HOOK2: variants seen among roughly 807,000 people sequenced by gnomAD.
HOOK2 encodes hook microtubule tethering protein 2, also known as protein Hook homolog 2.
HOOK2 carries 108 observed loss-of-function variants against 111.9 expected under a neutral mutation model. The ratio of observed to expected loss-of-function variants is 0.96; its 90% CI spans 0.83 to 1.13. HOOK2 has a LOEUF of 1.13. Ranked by LOEUF, HOOK2 falls within the 50% of genes most tolerant of loss-of-function variation. HOOK2 has a pLI of 0.00. For synonymous variants in HOOK2, 405 were observed against 394.3 expected (o/e 1.03, Z -0.32); for missense variants, 978 against 951.3 (o/e 1.03, Z -0.37).
intron 3 of HOOK2, among the ~76,000 whole-genome samples, chr19:12,783,619 G>C (rs554863430): frequency 1.3e-3 from 200 of 152,148 alleles, no homozygotes; most frequent in Non-Finnish European, 2.3e-3. Flanking sequence ...AGCATATAGA[G>C]CTGGGTTCAA....
chr19:12,775,378 T>G, intron 1 of HOOK2, 27 bp downstream of exon 1: 1 of 1,608,174 alleles, frequency 6.2e-7, no homozygotes, highest in Non-Finnish European at 8.5e-7. Context: ...GGCGCTCACC[T>G]TCCCCTAGCC....
intron 7 of HOOK2, 31 bp from the exon 8 acceptor site, chr19:12,771,508 G>A (rs750788576): frequency 1.3e-5 from 20 of 1,581,912 alleles, no homozygotes; most frequent in East Asian, 6.8e-5. Flanking sequence ...AGGAACTCAG[G>A]GATTCAGGAG....
chr19:12,771,997 T>G, intron 7 of HOOK2, 193 bp downstream of exon 7: 1 of 602,090 alleles, frequency 1.7e-6, no homozygotes, highest in Non-Finnish European at 3.0e-6. Context: ...GCTAGCACCC[T>G]GGAAGATGGG....
chr19:12,780,700 C>T (rs1223902506), upstream of HOOK2, among the ~76,000 whole-genome samples: 1 of 104,262 alleles, frequency 9.6e-6, no homozygotes, highest in Non-Finnish European at 1.8e-5. Flanking sequence ...GAGTCTCGGC[C>T]GGGCACGGTG....
chr19:12,779,024 A>T (rs1489771447), upstream of HOOK2, among the ~76,000 whole-genome samples: 1 of 152,160 alleles, frequency 6.6e-6, no homozygotes, highest in African/African-American at 2.4e-5. Flanking sequence ...TGGAAGAAGG[A>T]TCCAAACCCC....
At chr19:12,787,792 C>T (rs1433239675) in intron 3 of HOOK2, among the ~76,000 whole-genome samples, 4 of 151,910 alleles carry the variant, frequency 2.6e-5, no homozygotes, top group Non-Finnish European at 5.9e-5. Flanking sequence ...CATGGTGGCC[C>T]ACGCCTGTAA....
upstream of HOOK2, among the ~76,000 whole-genome samples, chr19:12,782,504 T>A (rs1231390527): frequency 2.0e-5 from 3 of 152,320 alleles, no homozygotes; most frequent in Admixed American, 2.0e-4. Context: ...GCCGTTCCCC[T>A]CCGGGAGGCG....
At chr19:12,775,558 G>C (rs1021176931), upstream of HOOK2, 1 of 1,140,800 alleles carries the variant, frequency 8.8e-7, no homozygotes, top group Non-Finnish European at 1.1e-6. Context: ...GGCCTAGAGC[G>C]CCGCCCCGCC....
intron 1 of HOOK2, 141 bp downstream of exon 1, chr19:12,775,264 G>A (rs1350374503): frequency 1.5e-5 from 22 of 1,453,334 alleles, no homozygotes; most frequent in Admixed American, 2.6e-5. Context: ...GCGGGTGCTC[G>A]GGCCAGAGTC....
chr19:12,778,295 C>T (rs2145789880), upstream of HOOK2: 1 of 152,376 alleles, frequency 6.6e-6, no homozygotes, highest in Admixed American at 6.5e-5. Context: ...AACGCAGTCA[C>T]TCACCCCCAG....
At position 12,786,371 on chromosome 19, in the gene HOOK2, T is replaced by G. The variant is rs1464411856; in HGVS notation, n.42-12146A>C. Among the ~76,000 whole-genome samples the G allele has an allele frequency of 6.6e-6, 1 of 151,386 alleles. No homozygotes were observed. The highest frequency in any genetic ancestry group is 2.4e-5 in the African/African-American group (1 of 41,124). ...TCAGTGGGGCCAGCAGGGAGGGGGG[T>G]CACCGGGCTATTTATAAGAAGGAGA... On this transcript the variant is annotated intron_variant and non_coding_transcript_variant, in intron 3 of 3. Transcript: ENST00000589765. This position sits in a 1 kb window ranked among gnomAD's most constrained non-coding sequence, Gnocchi z 4.3.
At position 12,791,343 on chromosome 19, in the gene HOOK2, T is replaced by C. The variant is rs764397787; in HGVS notation, n.42-17118A>G. ...GCTGTTTACAAGGACACGCGCTTCC[T>C]GACAGTGACGCGAGCCGCCTCCTCC... On this transcript the variant is annotated intron_variant and non_coding_transcript_variant, in intron 3 of 3. Coordinates refer to the HOOK2 transcript ENST00000589765. This position sits in a 1 kb window ranked among gnomAD's most constrained non-coding sequence, Gnocchi z 7.0. Among the ~76,000 whole-genome samples the C allele has an allele frequency of 1.5e-4, 23 of 152,300 alleles. No individual in the cohort carries two copies. Among genetic ancestry groups the C allele is most frequent in the Non-Finnish European group, 2.6e-4 (18 of 68,026 alleles).
At chr19:12,771,923 G>A (rs991898760) in intron 7 of HOOK2, 2 of 474,550 alleles carry the variant, frequency 4.2e-6, no homozygotes, top group South Asian at 7.8e-5. Context: ...AAAGAAAACA[G>A]GGCTGGGGTT....
intron 6 of HOOK2, 95 bp from the exon 7 acceptor site, chr19:12,772,347 G>A (rs896088711): frequency 1.8e-5 from 24 of 1,362,970 alleles, no homozygotes; most frequent in Admixed American, 1.0e-4. Flanking sequence ...CCATCCTCCC[G>A]TCAAGGCCAG....
rs73503421 is a variant in HOOK2, at chr19:12,786,508, G to A, written n.42-12283C>T. Among the ~76,000 whole-genome samples, 7,442 of 152,214 alleles carry A rather than the reference G, an allele frequency of 0.049. 660 individuals are homozygous for A. Among genetic ancestry groups the A allele is most frequent in the African/African-American group, 0.17 (7,105 of 41,512 alleles). ...AGGCCCTGGGGCACTGGGGAAGCCT[G>A]CGCAGGGACTTCTTAGCCAGGTGCT... On this transcript the variant is annotated intron_variant and non_coding_transcript_variant, in intron 3 of 3. Coordinates refer to the HOOK2 transcript ENST00000589765. The surrounding 1 kb of genome is among the most constrained non-coding windows in gnomAD (Gnocchi z 4.3).
chr19:12,786,229 G>C lies in HOOK2; in HGVS notation n.42-12004C>G, dbSNP rs1455244372. ...CCTCAGATCCACACCCAGGGGCAGG[G>C]ACACGGGAGGGAGGCTGGGTGCTGT... is the stretch of plus-strand genomic sequence containing the variant. On this transcript the variant is annotated intron_variant and non_coding_transcript_variant, in intron 3 of 3. Transcript: ENST00000589765. This position sits in a 1 kb window ranked among gnomAD's most constrained non-coding sequence, Gnocchi z 4.3. Among the ~76,000 whole-genome samples the C allele has an allele frequency of 6.6e-6, 1 of 152,164 alleles. No homozygotes were observed. Among genetic ancestry groups the C allele is most frequent in the Non-Finnish European group, 1.5e-5 (1 of 67,996 alleles).
upstream of HOOK2, among the ~76,000 whole-genome samples, chr19:12,782,936 G>GT (rs1968621637): frequency 6.6e-6 from 1 of 151,390 alleles, no homozygotes; most frequent in Admixed American, 6.6e-5. Context: ...AGCCAGGCGC[G>GT]TGTTTCCTTT....
At chr19:12,777,054 G>A (rs1039807124), upstream of HOOK2, among the ~76,000 whole-genome samples, 14 of 151,990 alleles carry the variant, frequency 9.2e-5, no homozygotes, top group East Asian at 2.7e-3. Context: ...CTACTCGGGA[G>A]GTTGAGGCAG....
intron 19 of HOOK2, 30 bp from the exon 20 acceptor site, chr19:12,764,947 C>T (rs369317280): frequency 2.2e-5 from 36 of 1,612,010 alleles, no homozygotes; most frequent in Admixed American, 2.0e-4. Flanking sequence ...ATCAGCTCCA[C>T]GCTGCTGGGC....
Sources: gnomAD v4.1 joint callset for allele counts (sites outside exome capture counted in the v4.1 genomes callset) on GRCh38, gnomAD v4.1.1 for gene constraint, Gnocchi (gnomAD v3.1) non-coding constraint, MANE v1.5 for transcripts, NCBI Gene and HGNC (gene_info 2026-07-23, HGNC 2026-07-21) for gene names.